The following THSD4 variants were observed in gnomAD, a reference collection of about 807,000 sequenced individuals.
THSD4 encodes the protein thrombospondin type 1 domain containing 4, also known as thrombospondin type-1 domain-containing protein 4.
Under a neutral mutation model 119.0 loss-of-function variants are expected in THSD4, and 69 were observed. The observed-to-expected ratio is 0.58, with a 90% CI of 0.48 to 0.71. The LOEUF (loss-of-function observed/expected upper bound fraction) is 0.71. Ranked by LOEUF, THSD4 falls within the 30% of genes least tolerant of loss-of-function variation. The pLI is 0.00. For missense variants in THSD4, 1,393 were observed against 1,391.1 expected (o/e 1.00, Z -0.02); for synonymous variants, 524 against 540.4 (o/e 0.97, Z 0.42).
intron 7 of THSD4, among the ~76,000 whole-genome samples, chr15:71,449,730 A>G (rs533103897): frequency 6.6e-6 from 1 of 152,270 alleles, no homozygotes; most frequent in Admixed American, 6.5e-5. Context: ...TGAGAAGTAA[A>G]ATTTAACAGT....
At chr15:71,643,779 G>A (rs558876778) in intron 7 of THSD4, among the ~76,000 whole-genome samples, 4 of 152,248 alleles carry the variant, frequency 2.6e-5, no homozygotes, top group African/African-American at 9.6e-5. Context: ...ATGCCTTAGC[G>A]TTTACTTTAT....
chr15:71,513,821 C>A (rs1022979158), intron 7 of THSD4, among the ~76,000 whole-genome samples: 2 of 152,200 alleles, frequency 1.3e-5, no homozygotes, highest in Admixed American at 1.3e-4. Flanking sequence ...GTGGCTTCTG[C>A]ATGCAATAGA....
At chr15:71,466,406 A>G (rs957157804) in intron 7 of THSD4, among the ~76,000 whole-genome samples, 1 of 151,748 alleles carries the variant, frequency 6.6e-6, no homozygotes, top group Non-Finnish European at 1.5e-5. Context: ...AAAGGGTCAG[A>G]CATGGTTATG....
intron 4 of THSD4, among the ~76,000 whole-genome samples, chr15:71,236,210 C>G (rs2044104491): frequency 6.6e-6 from 1 of 152,200 alleles, no homozygotes; most frequent in Non-Finnish European, 1.5e-5. Flanking sequence ...AAACACAAAA[C>G]AGCCTGGCTC....
chr15:71,154,032 T>G (rs1026823051), intron 2 of THSD4, among the ~76,000 whole-genome samples: 4 of 152,200 alleles, frequency 2.6e-5, no homozygotes, highest in African/African-American at 9.7e-5. Context: ...CCTGGTCAGC[T>G]CTACTCCTTC....
At chr15:71,167,806 T>C (rs1435756768) in intron 3 of THSD4, among the ~76,000 whole-genome samples, 1 of 152,214 alleles carries the variant, frequency 6.6e-6, no homozygotes, top group African/African-American at 2.4e-5. Context: ...ATCACTTTTT[T>C]TCTCAATACA....
chr15:71,447,966 CTG>C (rs1404230378), intron 7 of THSD4, among the ~76,000 whole-genome samples: 4 of 152,182 alleles, frequency 2.6e-5, no homozygotes, highest in Admixed American at 1.3e-4. Flanking sequence ...TCAATTGAAT[CTG>C]TGGCTTTTCC....
chr15:71,245,162 A>G (rs955299937), intron 5 of THSD4, among the ~76,000 whole-genome samples: 1 of 152,154 alleles, frequency 6.6e-6, no homozygotes, highest in Non-Finnish European at 1.5e-5. Context: ...TAAAGCCTCC[A>G]ACCCAAGCCA....
chr15:71,166,740 A>G (rs546780540), intron 3 of THSD4, among the ~76,000 whole-genome samples: 1 of 152,066 alleles, frequency 6.6e-6, no homozygotes, highest in African/African-American at 2.4e-5. Flanking sequence ...AGTGTAGTTT[A>G]TTTATTGTTT....
At position 71,671,495 on chromosome 15, in the gene THSD4, C is replaced by G. The variant is rs569294461; in HGVS notation, c.1357+10761C>G. 3.3e-5 allele frequency among the ~76,000 whole-genome samples: 5 copies of G among 152,282 alleles called. No homozygotes were observed. The South Asian group carries it at 1.0e-3, about 32-fold the overall frequency. ...CAGAAGCTCTTGAGTTCAATTAGAT[C>G]CCATTTGTCAATTTTGGCTTTTGTT... On this transcript the variant is annotated intron_variant, in intron 8 of 17. Coordinates refer to ENST00000261862, the MANE Select transcript of THSD4 (RefSeq NM_024817.3).
At chr15:71,728,785 A>G (rs945339376) in intron 9 of THSD4, 61 bp downstream of exon 9, 1 of 1,590,788 alleles carries the variant, frequency 6.3e-7, no homozygotes, top group African/African-American at 1.3e-5. Context: ...TCTAAGGAAC[A>G]TACTCTGAAC....
chr15:71,513,112 T>C (rs1417657641), intron 7 of THSD4, among the ~76,000 whole-genome samples: 2 of 118,160 alleles, frequency 1.7e-5, no homozygotes, highest in African/African-American at 4.9e-5. Context: ...AGGAATCTCA[T>C]GGGAGACCAG....
chr15:71,535,604 A>G (rs963758464), intron 7 of THSD4, among the ~76,000 whole-genome samples: 2 of 152,186 alleles, frequency 1.3e-5, no homozygotes, highest in African/African-American at 4.8e-5. Flanking sequence ...TAAGATTTCC[A>G]GCTTATCCAC....
At chr15:71,630,089 T>C (rs2050594077) in intron 7 of THSD4, among the ~76,000 whole-genome samples, 1 of 152,200 alleles carries the variant, frequency 6.6e-6, no homozygotes, top group Non-Finnish European at 1.5e-5. Context: ...TCAATCATGT[T>C]CTTTCTTTTT....
intron 8 of THSD4, among the ~76,000 whole-genome samples, chr15:71,723,787 G>A (rs796921219): frequency 3.9e-5 from 6 of 152,242 alleles, no homozygotes; most frequent in African/African-American, 1.4e-4. Flanking sequence ...AATGAATAGG[G>A]CCAGGCACAG....
At chr15:71,456,580 T>C (rs1318614180) in intron 7 of THSD4, among the ~76,000 whole-genome samples, 3 of 152,138 alleles carry the variant, frequency 2.0e-5, no homozygotes, top group Non-Finnish European at 4.4e-5. Context: ...TGCAGTCTTA[T>C]ACTTGGTGGG....
chr15:71,496,254 T>G (rs140090122), intron 7 of THSD4, among the ~76,000 whole-genome samples: 1 of 152,334 alleles, frequency 6.6e-6, no homozygotes, highest in East Asian at 1.9e-4. Flanking sequence ...ACAAAATTAA[T>G]GTTTCATATT....
intron 1 of THSD4, among the ~76,000 whole-genome samples, chr15:71,104,556 T>C (rs7175977): frequency 0.23 from 34,295 of 152,104 alleles, 5,021 homozygotes; most frequent in African/African-American, 0.42. Context: ...TGAGCCAATA[T>C]GAGTGACCAT....
At chr15:71,499,181 C>G (rs1386861974) in intron 7 of THSD4, among the ~76,000 whole-genome samples, 1 of 152,092 alleles carries the variant, frequency 6.6e-6, no homozygotes, top group African/African-American at 2.4e-5. Context: ...CTAATTGATG[C>G]AACTCCTGGT....
Sources: gnomAD v4.1 joint callset for allele counts (sites outside exome capture counted in the v4.1 genomes callset) on GRCh38, gnomAD v4.1.1 for gene constraint, MANE v1.5 for transcripts, NCBI Gene and HGNC (gene_info 2026-07-23, HGNC 2026-07-21) for gene names.